Variants in GFRA1 observed in about 807,000 individuals in gnomAD.
GFRA1 encodes GDNF family receptor alpha-1.
Under a neutral mutation model 51.6 loss-of-function variants are expected in GFRA1, and 16 were observed. The ratio of observed to expected loss-of-function variants is 0.31; its 90% CI spans 0.21 to 0.47. The LOEUF (loss-of-function observed/expected upper bound fraction) is 0.47, where lower values mean the gene tolerates loss of function less well. GFRA1 is among the 20% of genes least tolerant of loss of function. The probability of loss-of-function intolerance (pLI) is 1.00; values close to 1 mark genes in which losing one functional copy is unlikely to be tolerated. For synonymous variants in GFRA1, 270 were observed against 241.3 expected, an observed-to-expected ratio of 1.12 and a Z score of -1.10; for missense variants, 530 against 594.3, an observed-to-expected ratio of 0.89 and a Z score of 1.13.
intron 4 of GFRA1, among the ~76,000 whole-genome samples, chr10:116,217,796 T>G (rs2134476323): frequency 6.6e-6 from 1 of 152,272 alleles, no homozygotes. Flanking sequence ...GAGACAAAAT[T>G]TGCTATGAAG....
intron 5 of GFRA1, among the ~76,000 whole-genome samples, chr10:116,150,565 T>G (rs1959020597): frequency 1.3e-5 from 2 of 152,356 alleles, no homozygotes; most frequent in South Asian, 4.1e-4. Context: ...CCAGTGGCAC[T>G]TGTGGCTGCA....
intron 4 of GFRA1, among the ~76,000 whole-genome samples, chr10:116,250,286 G>T (rs1281221359): frequency 1.3e-5 from 2 of 152,260 alleles, no homozygotes; most frequent in Non-Finnish European, 2.9e-5. Flanking sequence ...GTCCTACGTG[G>T]ACACTACGTA....
chr10:116,119,174 A>G (rs1457853277), intron 6 of GFRA1, among the ~76,000 whole-genome samples: 1 of 152,132 alleles, frequency 6.6e-6, no homozygotes, highest in African/African-American at 2.4e-5. Context: ...GCCAGCAGGA[A>G]GGTGCCCCTC....
At chr10:116,181,301 A>G (rs1962194046) in intron 5 of GFRA1, among the ~76,000 whole-genome samples, 1 of 152,178 alleles carries the variant, frequency 6.6e-6, no homozygotes, top group African/African-American at 2.4e-5. Context: ...AGGAGATGCC[A>G]AAGGCCCAGG....
chr10:116,126,640 C>T (rs143192029), intron 5 of GFRA1, among the ~76,000 whole-genome samples: 14 of 152,288 alleles, frequency 9.2e-5, no homozygotes, highest in East Asian at 5.8e-4. Flanking sequence ...TTCTCTGGAG[C>T]GGGCAGGGAG....
intron 6 of GFRA1, among the ~76,000 whole-genome samples, chr10:116,121,346 C>T (rs1286561077): frequency 1.3e-5 from 2 of 152,138 alleles, no homozygotes; most frequent in African/African-American, 4.8e-5. Context: ...TCTAATAATA[C>T]CTCTGCATTT....
intron 6 of GFRA1, among the ~76,000 whole-genome samples, chr10:116,119,557 A>G (rs2134000084): frequency 6.6e-6 from 1 of 152,346 alleles, no homozygotes; most frequent in Non-Finnish European, 1.5e-5. Context: ...TAAGTGCCAA[A>G]TTAATCTACC....
intron 5 of GFRA1, among the ~76,000 whole-genome samples, chr10:116,166,222 A>G (rs1960385465): frequency 6.6e-6 from 1 of 152,190 alleles, no homozygotes; most frequent in South Asian, 2.1e-4. Flanking sequence ...GGTTGATCCC[A>G]TGTCTTTGCT....
intron 5 of GFRA1, among the ~76,000 whole-genome samples, chr10:116,130,724 A>T (rs562779819): frequency 5.9e-5 from 9 of 152,254 alleles, no homozygotes; most frequent in African/African-American, 1.9e-4. Context: ...GAAAAACCCA[A>T]ATACAAACAA....
intron 5 of GFRA1, among the ~76,000 whole-genome samples, chr10:116,166,963 C>G (rs11197565): frequency 6.6e-6 from 1 of 151,756 alleles, no homozygotes; most frequent in Non-Finnish European, 1.5e-5. Flanking sequence ...CCACACCCGG[C>G]TAATTTTTTG....
chr10:116,257,064 C>T (rs896024284), intron 4 of GFRA1, among the ~76,000 whole-genome samples: 2 of 152,292 alleles, frequency 1.3e-5, no homozygotes, highest in East Asian at 1.9e-4. Flanking sequence ...CTCTCAGGGA[C>T]CCATGCTGTG....
rs147883231 is a variant in GFRA1, at chr10:116,238,567, T to G, written c.419-26922A>C. Among the ~76,000 whole-genome samples, 647 of 152,330 alleles carry G rather than the reference T, an allele frequency of 4.2e-3. 1 individual carries two copies. Among genetic ancestry groups the G allele is most frequent in the African/African-American group, 0.015 (611 of 41,572 alleles). On this transcript the variant is annotated intron_variant, in intron 4 of 10. Transcript: ENST00000355422. ...TGATCGGAAAATGCACACCCATCTTTCCTCTGATGTTTTGCTGTCTTGATG... is the reference window on the plus strand; with the variant it reads ...TGATCGGAAAATGCACACCCATCTTGCCTCTGATGTTTTGCTGTCTTGATG...
At chr10:116,167,583 T>A (rs1037396634) in intron 5 of GFRA1, among the ~76,000 whole-genome samples, 1 of 152,154 alleles carries the variant, frequency 6.6e-6, no homozygotes, top group African/African-American at 2.4e-5. Flanking sequence ...TCCTTTTTTT[T>A]TTTTCCTTCC....
chr10:116,126,169 A>C (rs181410218), intron 5 of GFRA1, among the ~76,000 whole-genome samples: 161 of 152,372 alleles, frequency 1.1e-3, no homozygotes, highest in African/African-American at 3.8e-3. Context: ...TCACATAAAA[A>C]TCTGCAAACC....
intron 5 of GFRA1, among the ~76,000 whole-genome samples, chr10:116,155,333 C>T (rs915803167): frequency 2.1e-4 from 32 of 152,110 alleles, no homozygotes; most frequent in Non-Finnish European, 4.1e-4. Context: ...CACATACCCT[C>T]CTTCTAAATC....
At chr10:116,241,729 G>T (rs1967395207) in intron 4 of GFRA1, among the ~76,000 whole-genome samples, 1 of 152,176 alleles carries the variant, frequency 6.6e-6, no homozygotes, top group Non-Finnish European at 1.5e-5. Context: ...TTGTTGTTAT[G>T]TACAGGATTG....
intron 5 of GFRA1, among the ~76,000 whole-genome samples, chr10:116,208,063 A>C (rs1244068092): frequency 6.6e-6 from 1 of 151,932 alleles, no homozygotes; most frequent in Non-Finnish European, 1.5e-5. Flanking sequence ...TCAGCTCCCT[A>C]GATGCCCTTT....
At chr10:116,127,086 G>A (rs2420236) in intron 5 of GFRA1, among the ~76,000 whole-genome samples, 61,578 of 140,034 alleles carry the variant, frequency 0.44, 12,737 homozygotes, top group African/African-American at 0.48. Flanking sequence ...GTTGCCAGGG[G>A]CTGGAGAAGA....
intron 5 of GFRA1, among the ~76,000 whole-genome samples, chr10:116,185,051 T>C (rs1167014528): frequency 6.6e-6 from 1 of 152,164 alleles, no homozygotes; most frequent in African/African-American, 2.4e-5. Context: ...CTGCAGAGCT[T>C]AGCTGTTCTG....
Sources: gnomAD v4.1 joint callset for allele counts (sites outside exome capture counted in the v4.1 genomes callset) on GRCh38, gnomAD v4.1.1 for gene constraint, MANE v1.5 for transcripts, NCBI Gene and HGNC (gene_info 2026-07-23, HGNC 2026-07-21) for gene names.